ZFYVE9: variants seen among roughly 807,000 people sequenced by gnomAD.
ZFYVE9 encodes the protein zinc finger FYVE domain-containing protein 9.
ZFYVE9 carries 43 observed loss-of-function variants against 126.7 expected under a neutral mutation model. The observed-to-expected ratio is 0.34, with a 90% confidence interval of 0.27 to 0.44. ZFYVE9 has a LOEUF of 0.44. ZFYVE9 is among the 20% of genes least tolerant of loss of function. The probability of loss-of-function intolerance (pLI) is 1.00; values close to 1 mark genes in which losing one functional copy is unlikely to be tolerated. For synonymous variants in ZFYVE9, 521 were observed against 597.4 expected, an observed-to-expected ratio of 0.87 and a Z score of 1.87; for missense variants, 1,476 against 1,697.0, an observed-to-expected ratio of 0.87 and a Z score of 2.29.
chr1:52,301,291 CTTTTTTTTTTTTT>C lies in ZFYVE9; in HGVS notation c.3334-2515_3334-2503del, dbSNP rs527599525. On this transcript the variant is annotated intron_variant, in intron 12 of 18. Coordinates refer to ENST00000287727, the MANE Select transcript of ZFYVE9 (RefSeq NM_004799.4). The stretch of plus-strand genomic sequence containing the variant: ...CTTAACGTTGTTTTTCTTTTTCCAT[CTTTTTTTTTTTTT>C]TTTTTTTTTTTTTTGGAAATAGGGT... Among the ~76,000 whole-genome samples, 170 of 72,642 alleles carry C rather than the reference CTTTTTTTTTTTTT, an allele frequency of 2.3e-3. 1 individual carries two copies. Among genetic ancestry groups the C allele is most frequent in the Non-Finnish European group, 3.0e-3 (118 of 39,632 alleles). 47.7% of individuals were successfully genotyped at this position (72,642 alleles called of 152,430 possible). A position where few individuals can be genotyped will look rare whatever the true frequency, so the allele number is the denominator to read the frequency against.
chr1:52,275,725 ACTTTGTCCTAGG>A (rs1645741328), intron 8 of ZFYVE9, among the ~76,000 whole-genome samples: 1 of 151,924 alleles, frequency 6.6e-6, no homozygotes, highest in Admixed American at 6.6e-5. Flanking sequence ...CCTCTCCTGA[ACTTTGTCCTAGG>A]CTTTTAACTG....
At chr1:52,298,433 C>T (rs1029545904) in intron 12 of ZFYVE9, among the ~76,000 whole-genome samples, 4 of 152,108 alleles carry the variant, frequency 2.6e-5, no homozygotes, top group Non-Finnish European at 5.9e-5. Flanking sequence ...TTCTTGGCAC[C>T]TTTGTCGAAA....
chr1:52,160,459 T>G, intron 1 of ZFYVE9: 1 of 845,966 alleles, frequency 1.2e-6, no homozygotes, highest in Non-Finnish European at 2.1e-6. Flanking sequence ...TGTGACCTGT[T>G]ACCAGCTGGA....
chr1:52,326,172 C>G (rs1330138563), intron 13 of ZFYVE9, among the ~76,000 whole-genome samples: 4 of 152,304 alleles, frequency 2.6e-5, no homozygotes, highest in African/African-American at 9.6e-5. Context: ...AGTTGTTTCT[C>G]TGCCTTTTAC....
intron 8 of ZFYVE9, 135 bp from the exon 9 acceptor site, chr1:52,278,357 C>A: frequency 8.8e-7 from 1 of 1,142,128 alleles, no homozygotes; most frequent in Non-Finnish European, 1.3e-6. Flanking sequence ...CAGATACAAA[C>A]CATGCTCTGT....
chr1:52,241,507 C>T (rs1175051946), intron 4 of ZFYVE9, among the ~76,000 whole-genome samples: 1 of 152,090 alleles, frequency 6.6e-6, no homozygotes, highest in East Asian at 1.9e-4. Flanking sequence ...ATAATGAAAA[C>T]ATTTTTGGTA....
chr1:52,339,622 T>A (rs546829715), intron 16 of ZFYVE9, among the ~76,000 whole-genome samples: 1 of 152,270 alleles, frequency 6.6e-6, no homozygotes, highest in African/African-American at 2.4e-5. Context: ...ATTAGACTCC[T>A]AAGTTCCAAG....
At chr1:52,315,008 T>G (rs1028604486) in intron 13 of ZFYVE9, among the ~76,000 whole-genome samples, 1 of 151,738 alleles carries the variant, frequency 6.6e-6, no homozygotes, top group African/African-American at 2.4e-5. Context: ...CCACAAGAAA[T>G]GTAAAGTCCA....
intron 1 of ZFYVE9, among the ~76,000 whole-genome samples, chr1:52,213,521 G>T (rs572826942): frequency 6.6e-6 from 1 of 151,958 alleles, no homozygotes; most frequent in Non-Finnish European, 1.5e-5. Flanking sequence ...GCCTGGTGGC[G>T]TGCATCTGTA....
At chr1:52,275,145 C>T (rs182951818) in intron 8 of ZFYVE9, among the ~76,000 whole-genome samples, 377 of 152,236 alleles carry the variant, frequency 2.5e-3, no homozygotes, top group Middle Eastern at 3.4e-3. Flanking sequence ...CAATCTGGTA[C>T]ATGGATATAG....
intron 4 of ZFYVE9, among the ~76,000 whole-genome samples, chr1:52,260,964 T>C (rs1312506353): frequency 6.6e-6 from 1 of 152,164 alleles, no homozygotes; most frequent in Non-Finnish European, 1.5e-5. Context: ...TTTTTTTAGT[T>C]ATTTGGTGGG....
At chr1:52,292,720 C>T (rs1357370652) in intron 10 of ZFYVE9, among the ~76,000 whole-genome samples, 1 of 151,902 alleles carries the variant, frequency 6.6e-6, no homozygotes, top group Non-Finnish European at 1.5e-5. Context: ...CCACCCACCT[C>T]GGCCTCCCAA....
chr1:52,181,946 G>C (rs1033079669), intron 1 of ZFYVE9, among the ~76,000 whole-genome samples: 1 of 151,970 alleles, frequency 6.6e-6, no homozygotes, highest in East Asian at 1.9e-4. Flanking sequence ...CGTCGGGGAG[G>C]GAGGTGGGGG....
At chr1:52,268,350 T>A (rs1433292940) in intron 6 of ZFYVE9, 113 bp from the exon 7 acceptor site, 7 of 1,079,220 alleles carry the variant, frequency 6.5e-6, no homozygotes, top group African/African-American at 4.7e-5. Context: ...TGATTGTAAG[T>A]TGCCAAGTAA....
intron 13 of ZFYVE9, among the ~76,000 whole-genome samples, chr1:52,326,059 A>G (rs772425402): frequency 8.5e-5 from 13 of 152,228 alleles, no homozygotes; most frequent in Non-Finnish European, 1.5e-4. Context: ...AATGGTTCTT[A>G]TGAGATAATG....
chr1:52,314,818 A>G (rs1199511759), intron 13 of ZFYVE9, among the ~76,000 whole-genome samples: 2 of 148,056 alleles, frequency 1.4e-5, no homozygotes, highest in African/African-American at 2.5e-5. Flanking sequence ...TCTCAAAAAG[A>G]AAAAAAAAAG....
At chr1:52,295,796 C>A in intron 11 of ZFYVE9, 99 bp from the exon 12 acceptor site, 1 of 946,186 alleles carries the variant, frequency 1.1e-6, no homozygotes, top group Non-Finnish European at 1.6e-6. Context: ...TCTAATGAGC[C>A]ATTATAATTA....
chr1:52,346,236 AT>A lies in ZFYVE9; in HGVS notation c.*22del, dbSNP rs1305133252. 1 of 1,563,904 alleles carries A rather than the reference AT, an allele frequency of 6.4e-7. No individual in the cohort carries two copies. Among genetic ancestry groups the A allele is most frequent in the Non-Finnish European group, 8.7e-7 (1 of 1,149,598 alleles). ...ACATCGTATAAACAGAGAAGACTTC[AT>A]TTTTTTCTGTTCAGACTTGTTGCAA... is the stretch of plus-strand genomic sequence containing the variant. On this transcript the variant is annotated 3_prime_UTR_variant, in exon 19 of 19. Coordinates refer to ENST00000287727, the MANE Select transcript of ZFYVE9 (RefSeq NM_004799.4).
intron 4 of ZFYVE9, among the ~76,000 whole-genome samples, chr1:52,244,321 AAAG>A (rs1159592826): frequency 1.3e-5 from 2 of 152,320 alleles, no homozygotes; most frequent in Admixed American, 6.5e-5. Context: ...ATTCTCTAGA[AAAG>A]AAGTTTTAGG....
Sources: allele counts gnomAD v4.1 joint callset (sites outside exome capture counted in the v4.1 genomes callset), GRCh38; gene constraint gnomAD v4.1.1; transcripts MANE v1.5; gene names NCBI Gene and HGNC (gene_info 2026-07-23, HGNC 2026-07-21).